ELMO1: variants seen among roughly 807,000 people sequenced by gnomAD.
The protein encoded by ELMO1 is engulfment and cell motility 1, also known as engulfment and cell motility protein 1.
Under a neutral mutation model 98.9 loss-of-function variants are expected in ELMO1, and 26 were observed. The ratio of observed to expected loss-of-function variants is 0.26; its 90% CI spans 0.19 to 0.36. ELMO1 has a LOEUF of 0.36. Among genes scored for constraint, ELMO1 ranks in the 10% least tolerant of loss-of-function variants. The pLI, the probability that ELMO1 is intolerant of heterozygous loss-of-function variation, is 1.00. For missense variants in ELMO1, 627 were observed against 935.2 expected (o/e 0.67, Z 4.30); for synonymous variants, 346 against 346.0 (o/e 1.00, Z 0.00).
At chr7:36,967,521 G>A (rs986165903) in intron 16 of ELMO1, among the ~76,000 whole-genome samples, 1 of 152,108 alleles carries the variant, frequency 6.6e-6, no homozygotes, top group African/African-American at 2.4e-5. Context: ...GGGAGTGTTG[G>A]CCAAACTTTG....
chr7:37,096,816 A>G, intron 14 of ELMO1, 89 bp from the exon 15 acceptor site: 12 of 1,195,088 alleles, frequency 1.0e-5, no homozygotes, highest in Non-Finnish European at 1.3e-5. Context: ...ATGAATACAT[A>G]GATCCACTTC....
At chr7:37,104,570 C>G (rs1269991677) in intron 14 of ELMO1, among the ~76,000 whole-genome samples, 2 of 152,174 alleles carry the variant, frequency 1.3e-5, no homozygotes, top group South Asian at 2.1e-4. Flanking sequence ...AAACTCCATC[C>G]CTTCACCTTC....
At chr7:37,330,454 T>C (rs1223461526) in intron 2 of ELMO1, among the ~76,000 whole-genome samples, 1 of 152,234 alleles carries the variant, frequency 6.6e-6, no homozygotes, top group Non-Finnish European at 1.5e-5. Flanking sequence ...TTCTTTTTTT[T>C]CATTTTATTA....
chr7:36,855,357 C>T lies in ELMO1; in HGVS notation c.*194G>A. On this transcript the variant is annotated 3_prime_UTR_variant, in exon 22 of 22. Transcript: ENST00000310758. The surrounding 1 kb of genome is among the most constrained non-coding windows in gnomAD (Gnocchi z 4.2). Reference sequence around the variant, plus strand: ...GACCTGAAGCAGTGGAGCCGAGGAACAGAATCAGGGCGGTGAGCAAGATGC... The same window carrying T: ...GACCTGAAGCAGTGGAGCCGAGGAATAGAATCAGGGCGGTGAGCAAGATGC... 1.6e-6 allele frequency: 1 copy of T among 642,986 alleles called. No homozygotes were observed. Among genetic ancestry groups the T allele is most frequent in the Non-Finnish European group, 2.7e-6 (1 of 374,200 alleles). The allele number at this position is 642,986 out of a possible 1,614,324, so 39.8% of individuals were successfully genotyped here. A position where few individuals can be genotyped will look rare whatever the true frequency, so the allele number is the denominator to read the frequency against.
At chr7:37,063,048 C>T (rs1796751622) in intron 15 of ELMO1, among the ~76,000 whole-genome samples, 1 of 152,184 alleles carries the variant, frequency 6.6e-6, no homozygotes, top group African/African-American at 2.4e-5. Context: ...ATTTAATCCT[C>T]CCGGTAAGAA....
At chr7:37,188,501 A>AAAATAAT (rs764889756) in intron 13 of ELMO1, among the ~76,000 whole-genome samples, 3,682 of 125,912 alleles carry the variant, frequency 0.029, 206 homozygotes, top group African/African-American at 0.048. Context: ...AAAAAAAAAA[A>AAAATAAT]AATAATAATA....
intron 16 of ELMO1, among the ~76,000 whole-genome samples, chr7:37,012,533 A>C (rs1793633524): frequency 6.6e-6 from 1 of 152,200 alleles, no homozygotes; most frequent in Admixed American, 6.5e-5. Flanking sequence ...AGGCTGCAAT[A>C]GTTATTATTG....
chr7:36,943,842 C>T (rs1787253758), intron 16 of ELMO1, among the ~76,000 whole-genome samples: 2 of 152,202 alleles, frequency 1.3e-5, no homozygotes, highest in Non-Finnish European at 2.9e-5. Context: ...AGCTCCCTTC[C>T]TGGCTTTCCA....
chr7:37,276,221 T>C (rs562004471), intron 4 of ELMO1, among the ~76,000 whole-genome samples: 1 of 152,270 alleles, frequency 6.6e-6, no homozygotes, highest in Non-Finnish European at 1.5e-5. Flanking sequence ...TTTAAAGTCC[T>C]TAAAACAGCC....
rs1805137194 is a variant in ELMO1 at position 36,887,572 on chromosome 7, G to A, written c.1702C>T (p.Arg568Trp). The change falls in exon 18 of 22, where the codon CGG becomes TGG. Residue 568 changes from arginine (R) to tryptophan (W), a missense_variant. This residue lies in a region of ELMO1 where 492 missense variants were observed against 715.6 expected (regional missense o/e 0.69). Transcript: ENST00000310758. ...CCAGAAACAATACCTTGCCTCCGCC[G>A]GGCATTGAGTTTCCTAAAGCAGGTC... ...EGTCFRKLNARRRQDKFWYCR... is the reference protein window; with the variant it reads ...EGTCFRKLNAWRRQDKFWYCR... 2 of 1,613,976 alleles carry A rather than the reference G, an allele frequency of 1.2e-6. No individual in the cohort carries two copies. The highest frequency in any genetic ancestry group is 8.5e-7 in the Non-Finnish European group (1 of 1,179,914).
At chr7:37,058,326 G>A (rs557439265) in intron 15 of ELMO1, among the ~76,000 whole-genome samples, 7 of 152,274 alleles carry the variant, frequency 4.6e-5, no homozygotes, top group Non-Finnish European at 8.8e-5. Flanking sequence ...TCCCACCCTC[G>A]TAGGAGAGAT....
chr7:37,447,712 CACCACACACACA>C (rs1285476812), intron 1 of ELMO1, among the ~76,000 whole-genome samples: 76 of 76,082 alleles, frequency 1.0e-3, no homozygotes, highest in Non-Finnish European at 1.6e-3. Context: ...CGCGCGCACA[CACCACACACACA>C]CACACACACA....
intron 2 of ELMO1, among the ~76,000 whole-genome samples, chr7:37,319,690 T>C (rs960034706): frequency 6.6e-6 from 1 of 152,226 alleles, no homozygotes; most frequent in African/African-American, 2.4e-5. Flanking sequence ...AGCGAACTTG[T>C]CCTTGTCTTC....
At chr7:36,967,894 T>C (rs1479941899) in intron 16 of ELMO1, among the ~76,000 whole-genome samples, 2 of 152,224 alleles carry the variant, frequency 1.3e-5, no homozygotes, top group East Asian at 3.8e-4. Flanking sequence ...TCTCAATATA[T>C]TATGCAGGCA....
At chr7:37,418,508 A>C (rs1401830075) in intron 1 of ELMO1, among the ~76,000 whole-genome samples, 1 of 152,164 alleles carries the variant, frequency 6.6e-6, no homozygotes, top group Non-Finnish European at 1.5e-5. Flanking sequence ...AGATTCCAGA[A>C]TCTGGAACTG....
chr7:37,054,855 T>C (rs10215818), intron 15 of ELMO1, among the ~76,000 whole-genome samples: 149,269 of 152,336 alleles, frequency 0.98, 73,144 homozygotes, highest in East Asian at 1. Flanking sequence ...TGAAAACCTG[T>C]TATAAAAATT....
At chr7:37,367,481 A>G (rs1298597842) in intron 1 of ELMO1, among the ~76,000 whole-genome samples, 1 of 152,262 alleles carries the variant, frequency 6.6e-6, no homozygotes, top group Admixed American at 6.5e-5. Context: ...ATGAAGGAAG[A>G]AAAGGATCAG....
chr7:37,306,678 T>A lies in ELMO1; in HGVS notation c.192+8172A>T, dbSNP rs1798628502. On this transcript the variant is annotated intron_variant, in intron 4 of 21. Coordinates refer to ENST00000310758, the MANE Select transcript of ELMO1 (RefSeq NM_014800.11). ...TCTAAATTTGGAGCCAAAATCTACA[T>A]TTAAGGCTAAGAGCTTTGGAAGATG... 2.6e-5 allele frequency among the ~76,000 whole-genome samples: 4 copies of A among 152,116 alleles called. No individual in the cohort carries two copies. The South Asian group carries it at 8.3e-4, about 32-fold the overall frequency.
chr7:36,857,470 T>C (rs1802292103), intron 21 of ELMO1, among the ~76,000 whole-genome samples: 1 of 152,098 alleles, frequency 6.6e-6, no homozygotes, highest in Non-Finnish European at 1.5e-5. Flanking sequence ...AATCCCCAAG[T>C]CCTGGGGATT....
Sources: allele counts gnomAD v4.1 joint callset (sites outside exome capture counted in the v4.1 genomes callset), GRCh38; gene constraint gnomAD v4.1.1; regional missense constraint gnomAD v4.1.1; non-coding constraint Gnocchi (gnomAD v3.1); transcripts MANE v1.5; gene names NCBI Gene and HGNC (gene_info 2026-07-23, HGNC 2026-07-21).